Variants in DOCK2 observed in about 807,000 individuals in gnomAD.
The protein encoded by DOCK2 is dedicator of cytokinesis 2, also known as dedicator of cytokinesis protein 2.
A neutral mutation model predicts 248.9 loss-of-function variants in DOCK2; 87 were observed. That is an observed-to-expected ratio of 0.35 (90% confidence interval 0.29 to 0.42). The LOEUF (loss-of-function observed/expected upper bound fraction) is 0.42. DOCK2 is among the 10% of genes least tolerant of loss of function. DOCK2 has a pLI of 1.00. For synonymous variants in DOCK2, 805 were observed against 821.6 expected (o/e 0.98, Z 0.35); for missense variants, 1,747 against 2,300.2 (o/e 0.76, Z 4.92).
intron 22 of DOCK2, among the ~76,000 whole-genome samples, chr5:169,746,994 G>C (rs141310551): frequency 6.6e-6 from 1 of 152,236 alleles, no homozygotes; most frequent in Admixed American, 6.5e-5. Flanking sequence ...AATGGGTGGC[G>C]GAAATGGCAG....
At chr5:169,891,097 A>T (rs893300746) in intron 27 of DOCK2, among the ~76,000 whole-genome samples, 1 of 151,946 alleles carries the variant, frequency 6.6e-6, no homozygotes, top group Non-Finnish European at 1.5e-5. Context: ...ATCTCATGCC[A>T]CTTTCCCCCT....
chr5:170,040,061 C>T lies in DOCK2; in HGVS notation c.3666-994C>T, dbSNP rs146781441. 1.1e-4 allele frequency among the ~76,000 whole-genome samples: 16 copies of T among 152,336 alleles called. No individual in the cohort carries two copies. In the East Asian group the frequency reaches 3.1e-3, roughly 29 times the overall value. On this transcript the variant is annotated intron_variant, in intron 36 of 51. Transcript: ENST00000520908. ...AACTGTCACTGCTCAGTGCCGGCTACAGGCTAATCACTTTCAGTGCATACT... is the reference window on the plus strand; with the variant it reads ...AACTGTCACTGCTCAGTGCCGGCTATAGGCTAATCACTTTCAGTGCATACT...
chr5:169,956,039 GA>G (rs577395351), intron 27 of DOCK2, among the ~76,000 whole-genome samples: 2,146 of 132,694 alleles, frequency 0.016, 13 homozygotes, highest in African/African-American at 0.029. Flanking sequence ...ACATAGATTT[GA>G]AAAAAAAAAA....
chr5:169,983,220 G>A (rs1777985658), intron 28 of DOCK2, 54 bp downstream of exon 28: 2 of 1,577,572 alleles, frequency 1.3e-6, no homozygotes, highest in South Asian at 2.2e-5. Flanking sequence ...TCTGGAACAT[G>A]GCTTCTGTCC....
At chr5:169,842,719 A>G (rs1269506283) in intron 27 of DOCK2, among the ~76,000 whole-genome samples, 1 of 152,320 alleles carries the variant, frequency 6.6e-6, no homozygotes. Context: ...CCTGTAGAAC[A>G]GTGATTCTTT....
At position 169,764,211 on chromosome 5, in the gene DOCK2, A is replaced by G. The variant is rs1338258546; in HGVS notation, c.2554+2586A>G. On this transcript the variant is annotated intron_variant, in intron 25 of 51. Coordinates refer to ENST00000520908, the MANE Select transcript of DOCK2 (RefSeq NM_004946.3). This position sits in a 1 kb window ranked among gnomAD's most constrained non-coding sequence, Gnocchi z 4.3. ...GCACTCATTTAACTGCCAGATGTGC[A>G]AATTGCCTGGAGTATTTTCAGTGAC... Among the ~76,000 whole-genome samples, 2 of 152,200 alleles carry G rather than the reference A, an allele frequency of 1.3e-5. No individual in the cohort carries two copies. The highest frequency in any genetic ancestry group is 6.5e-5 in the Admixed American group (1 of 15,282).
chr5:170,078,429 C>T (rs1396713514), intron 48 of DOCK2, among the ~76,000 whole-genome samples: 1 of 152,174 alleles, frequency 6.6e-6, no homozygotes, highest in Non-Finnish European at 1.5e-5. Flanking sequence ...GGGCATCATT[C>T]ACAATTCTAG....
Position 170,008,392 on chromosome 5 carries a change from G to T in DOCK2, c.3073-105G>T, listed in dbSNP as rs2287726. On this transcript the variant is annotated intron_variant, in intron 30 of 51. Coordinates refer to ENST00000520908, the MANE Select transcript of DOCK2 (RefSeq NM_004946.3). Reference sequence around the variant, plus strand: ...GCAGTGGGCACAATTAAACTGGTTCGGCCTCTGTCTTCTGCCATCTTCATA... The same window carrying T: ...GCAGTGGGCACAATTAAACTGGTTCTGCCTCTGTCTTCTGCCATCTTCATA... 0.37 allele frequency: 436,038 copies of T among 1,190,932 alleles called. 81,067 individuals carry two copies. The highest frequency in any genetic ancestry group is 0.46 in the Middle Eastern group (1,845 of 4,038). The allele number at this position is 1,190,932 out of a possible 1,614,324, so 73.8% of individuals were successfully genotyped here.
At chr5:169,957,378 AG>A (rs908378281) in intron 27 of DOCK2, among the ~76,000 whole-genome samples, 2 of 152,262 alleles carry the variant, frequency 1.3e-5, no homozygotes, top group African/African-American at 4.8e-5. Flanking sequence ...CAAAGTACTT[AG>A]CACATTGTTT....
intron 28 of DOCK2, among the ~76,000 whole-genome samples, chr5:169,985,290 T>G (rs1469287132): frequency 6.6e-6 from 1 of 151,850 alleles, no homozygotes; most frequent in Non-Finnish European, 1.5e-5. Flanking sequence ...TGAAGTCCGC[T>G]AAGAACCTCT....
intron 26 of DOCK2, among the ~76,000 whole-genome samples, chr5:169,814,393 T>A (rs1259263051): frequency 6.6e-6 from 1 of 152,110 alleles, no homozygotes; most frequent in Admixed American, 6.5e-5. Context: ...ACAGTTAAGG[T>A]CATGAAAGAC....
At chr5:169,723,781 C>A (rs1389922641) in intron 22 of DOCK2, among the ~76,000 whole-genome samples, 2 of 152,122 alleles carry the variant, frequency 1.3e-5, no homozygotes, top group African/African-American at 4.8e-5. Flanking sequence ...CTTTTGATGT[C>A]TTTTTCTCCC....
At chr5:169,886,749 TTA>T (rs1772992794) in intron 27 of DOCK2, among the ~76,000 whole-genome samples, 1 of 152,178 alleles carries the variant, frequency 6.6e-6, no homozygotes, top group South Asian at 2.1e-4. Flanking sequence ...GCCTAGGTAT[TTA>T]TATGTCTACT....
intron 35 of DOCK2, 91 bp from the exon 36 acceptor site, chr5:170,036,424 G>T: frequency 1.5e-6 from 2 of 1,339,390 alleles, no homozygotes; most frequent in South Asian, 1.3e-5. Context: ...ATACTAGACA[G>T]CAATCTTCCT....
intron 27 of DOCK2, among the ~76,000 whole-genome samples, chr5:169,861,652 CA>C (rs1771205841): frequency 6.6e-6 from 1 of 152,176 alleles, no homozygotes; most frequent in African/African-American, 2.4e-5. Context: ...TACAAAGAAG[CA>C]GTGATTTTCA....
chr5:169,714,299 G>A (rs1171225581), intron 18 of DOCK2, 61 bp from the exon 19 acceptor site: 9 of 1,611,834 alleles, frequency 5.6e-6, no homozygotes, highest in Admixed American at 3.3e-5. Flanking sequence ...GACCCAAGGA[G>A]GTCCTGATAT....
chr5:169,735,996 C>A (rs1177065464), intron 22 of DOCK2, among the ~76,000 whole-genome samples: 1 of 150,994 alleles, frequency 6.6e-6, no homozygotes, highest in Non-Finnish European at 1.5e-5. Context: ...GAGAGAGAAC[C>A]AAGTGGGAAG....
intron 26 of DOCK2, among the ~76,000 whole-genome samples, chr5:169,836,457 C>T (rs1365145170): frequency 6.6e-6 from 1 of 152,198 alleles, no homozygotes; most frequent in Non-Finnish European, 1.5e-5. Flanking sequence ...AAGGTTATAA[C>T]ATTTCTAGTT....
In DOCK2 at chr5:170,069,201, A is replaced by G. The variant is rs1757597025; in HGVS notation, c.4709A>G (p.Lys1570Arg). ...GACCAGGACAAGCTGACCCACCTCA[A>G]GGACCTGATTGCATGGCAGGTGAGG... ...PEDQDKLTHL[K>R]DLIAWQIPFL... The change falls in exon 46 of 52, where the codon AAG (lysine) becomes AGG (arginine). Residue 1570 changes from lysine to arginine, a missense_variant. By Grantham distance (26) the Lys-to-Arg change is conservative (BLOSUM62 2). This residue lies in a region of DOCK2 where 513 missense variants were observed against 586.1 expected (regional missense o/e 0.88). Coordinates refer to ENST00000520908, the MANE Select transcript of DOCK2 (RefSeq NM_004946.3). The G allele has an allele frequency of 1.2e-6, 2 of 1,613,904 alleles. No individual in the cohort carries two copies. Among genetic ancestry groups the G allele is most frequent in the Admixed American group, 1.7e-5 (1 of 59,992 alleles).
Sources: allele counts gnomAD v4.1 joint callset (sites outside exome capture counted in the v4.1 genomes callset), GRCh38; gene constraint gnomAD v4.1.1; regional missense constraint gnomAD v4.1.1; non-coding constraint Gnocchi (gnomAD v3.1); transcripts MANE v1.5; gene names NCBI Gene and HGNC (gene_info 2026-07-23, HGNC 2026-07-21).